Variants in TTC7B observed in about 807,000 individuals in gnomAD.
The protein encoded by TTC7B is tetratricopeptide repeat protein 7B.
TTC7B carries 28 observed loss-of-function variants against 106.8 expected under a neutral mutation model. The ratio of observed to expected loss-of-function variants is 0.26; its 90% CI spans 0.19 to 0.36. The LOEUF (loss-of-function observed/expected upper bound fraction) is 0.36. TTC7B is among the 10% of genes least tolerant of loss of function. TTC7B has a pLI of 1.00. For missense variants in TTC7B, 862 were observed against 1,076.4 expected, an observed-to-expected ratio of 0.80 and a Z score of 2.79; for synonymous variants, 405 against 430.6, an observed-to-expected ratio of 0.94 and a Z score of 0.74.
intron 18 of TTC7B, among the ~76,000 whole-genome samples, chr14:90,590,966 C>G (rs1233698171): frequency 6.6e-6 from 1 of 152,180 alleles, no homozygotes; most frequent in African/African-American, 2.4e-5. Flanking sequence ...CACCCATTTG[C>G]TAGGAAGGAG....
At chr14:90,610,392 C>T (rs1171805113) in intron 17 of TTC7B, among the ~76,000 whole-genome samples, 1 of 152,234 alleles carries the variant, frequency 6.6e-6, no homozygotes, top group Non-Finnish European at 1.5e-5. Context: ...GTGAACCTTG[C>T]TTTCAGCAAG....
chr14:90,716,439 G>C (rs1888659220), intron 5 of TTC7B, among the ~76,000 whole-genome samples: 1 of 152,194 alleles, frequency 6.6e-6, no homozygotes, highest in Non-Finnish European at 1.5e-5. Flanking sequence ...TTCGAAGTGT[G>C]GCTAAAGTTT....
chr14:90,653,959 G>A (rs553747494), intron 12 of TTC7B, among the ~76,000 whole-genome samples: 2 of 152,320 alleles, frequency 1.3e-5, no homozygotes, highest in Admixed American at 1.3e-4. Flanking sequence ...TATGTGCTGG[G>A]TATTGCCAAT....
At chr14:90,553,523 A>G (rs1890176384) in intron 19 of TTC7B, among the ~76,000 whole-genome samples, 1 of 152,172 alleles carries the variant, frequency 6.6e-6, no homozygotes, top group African/African-American at 2.4e-5. Context: ...CGGGCAGCCC[A>G]CACCATGAGA....
In TTC7B at chr14:90,800,806, G is replaced by A. The variant is rs140407423; in HGVS notation, c.122-14478C>T. On this transcript the variant is annotated intron_variant, in intron 1 of 19. Coordinates refer to ENST00000328459, the MANE Select transcript of TTC7B (RefSeq NM_001010854.2). ...AGCCTGGATGACAGAGCAAGACTCC[G>A]TCTCAAAAAAAGGTCAGAGTCCAAG... 2.9e-3 allele frequency among the ~76,000 whole-genome samples: 435 copies of A among 151,618 alleles called. 1 individual carries two copies. Among genetic ancestry groups the A allele is most frequent in the African/African-American group, 9.8e-3 (407 of 41,332 alleles).
At chr14:90,795,665 G>A (rs1229964369) in intron 1 of TTC7B, among the ~76,000 whole-genome samples, 1 of 152,166 alleles carries the variant, frequency 6.6e-6, no homozygotes, top group African/African-American at 2.4e-5. Flanking sequence ...AATATGTAAC[G>A]CACATAGTCT....
chr14:90,604,349 G>T (rs1892552601), intron 17 of TTC7B, among the ~76,000 whole-genome samples: 1 of 152,210 alleles, frequency 6.6e-6, no homozygotes. Context: ...AACATACACG[G>T]TGTTTAAACA....
intron 19 of TTC7B, among the ~76,000 whole-genome samples, chr14:90,549,210 T>C (rs373174433): frequency 6.6e-6 from 1 of 151,196 alleles, no homozygotes; most frequent in Admixed American, 6.6e-5. Flanking sequence ...ACCTCACTGG[T>C]GGAGTGGGAC....
chr14:90,548,935 G>A (rs1361355226), intron 19 of TTC7B, among the ~76,000 whole-genome samples: 1 of 152,018 alleles, frequency 6.6e-6, no homozygotes, highest in Non-Finnish European at 1.5e-5. Flanking sequence ...AGACCATCCT[G>A]GCTAACACGG....
rs1361381683 is a variant in TTC7B at position 90,578,583 on chromosome 14, C to T, written c.2108-275G>A. On this transcript the variant is annotated intron_variant, in intron 18 of 19. Coordinates refer to ENST00000328459, the MANE Select transcript of TTC7B (RefSeq NM_001010854.2). This position sits in a 1 kb window ranked among gnomAD's most constrained non-coding sequence, Gnocchi z 4.7. ...GCCTGCCTGGTCCCTGCCCCAACCTCTGAGGGCACCCACCCTCAGGGCCCA... is the reference window on the plus strand; with the variant it reads ...GCCTGCCTGGTCCCTGCCCCAACCTTTGAGGGCACCCACCCTCAGGGCCCA... Among the ~76,000 whole-genome samples, 5 of 152,206 alleles carry T rather than the reference C, an allele frequency of 3.3e-5. No homozygotes were observed. Among genetic ancestry groups the T allele is most frequent in the Non-Finnish European group, 7.4e-5 (5 of 67,998 alleles).
At chr14:90,687,619 A>G (rs193248779) in intron 7 of TTC7B, among the ~76,000 whole-genome samples, 6 of 152,370 alleles carry the variant, frequency 3.9e-5, no homozygotes, top group Admixed American at 1.3e-4. Context: ...TGATATAAAT[A>G]TCACTTAAAA....
intron 5 of TTC7B, among the ~76,000 whole-genome samples, chr14:90,706,256 G>C (rs1595302010): frequency 1.3e-5 from 2 of 150,604 alleles, no homozygotes; most frequent in South Asian, 2.1e-4. Context: ...TCCACCTCCC[G>C]GGTTCACACC....
rs998172760 is a variant in TTC7B, at chr14:90,550,060, C to A, written c.2311-8471G>T. ...GTCACATATCCCTGAAAGAATACAC[C>A]GCCTTCTAACTGCCACAAGGTTTTT... On this transcript the variant is annotated intron_variant, in intron 19 of 19. Coordinates refer to ENST00000328459, the MANE Select transcript of TTC7B (RefSeq NM_001010854.2). 1.3e-4 allele frequency among the ~76,000 whole-genome samples: 20 copies of A among 152,202 alleles called. 1 individual carries two copies. Among genetic ancestry groups the A allele is most frequent in the African/African-American group, 3.6e-4 (15 of 41,440 alleles).
chr14:90,594,658 G>T (rs1177560243), intron 17 of TTC7B, among the ~76,000 whole-genome samples: 1 of 151,980 alleles, frequency 6.6e-6, no homozygotes, highest in African/African-American at 2.4e-5. Context: ...CATTGAGAGT[G>T]GTAACTACCA....
intron 4 of TTC7B, among the ~76,000 whole-genome samples, chr14:90,739,575 C>T (rs1343947774): frequency 6.6e-6 from 1 of 152,212 alleles, no homozygotes; most frequent in African/African-American, 2.4e-5. Flanking sequence ...CCTTCATGAA[C>T]ACGGGAAGTC....
intron 3 of TTC7B, among the ~76,000 whole-genome samples, chr14:90,776,052 AG>A (rs1891016939): frequency 1.3e-5 from 2 of 152,138 alleles, no homozygotes; most frequent in Admixed American, 1.3e-4. Context: ...GCAGAAAAGA[AG>A]GCCACAGAAA....
At chr14:90,763,505 C>T (rs1488840667) in intron 3 of TTC7B, among the ~76,000 whole-genome samples, 1 of 152,148 alleles carries the variant, frequency 6.6e-6, no homozygotes, top group Non-Finnish European at 1.5e-5. Flanking sequence ...GAGATACTAT[C>T]CAGCACAATT....
intron 2 of TTC7B, among the ~76,000 whole-genome samples, chr14:90,784,345 G>A (rs1891311461): frequency 6.6e-6 from 1 of 152,154 alleles, no homozygotes; most frequent in Non-Finnish European, 1.5e-5. Flanking sequence ...ATCACGAGGT[G>A]AGGAGATTGA....
chr14:90,774,897 G>GCCAGGCGTGGTTGCACGCACCTGTAAT (rs1890977153), intron 3 of TTC7B, among the ~76,000 whole-genome samples: 2 of 152,150 alleles, frequency 1.3e-5, no homozygotes, highest in African/African-American at 4.8e-5. Context: ...AAAACAATTA[G>GCCAGGCGTGGTTGCACGCACCTGTAAT]CCAGGCGTGG....
Sources: allele counts gnomAD v4.1 joint callset (sites outside exome capture counted in the v4.1 genomes callset), GRCh38; gene constraint gnomAD v4.1.1; non-coding constraint Gnocchi (gnomAD v3.1); transcripts MANE v1.5; gene names NCBI Gene and HGNC (gene_info 2026-07-23, HGNC 2026-07-21).